The following LRTM3 variants were observed in gnomAD, a reference collection of about 807,000 sequenced individuals.
LRTM3 encodes leucine rich repeat transmembrane protein 3.
chr13:102,758,974 G>A, the LRTM3 span: 1 of 1,219,686 alleles, frequency 8.2e-7, no homozygotes, highest in Non-Finnish European at 1.1e-6. Flanking sequence ...TCATTCAGAA[G>A]TCCTTGATTT....
chr13:102,733,119 C>T, the LRTM3 span: 1 of 1,551,434 alleles, frequency 6.4e-7, no homozygotes, highest in Non-Finnish European at 8.7e-7. Flanking sequence ...TTCTGCTTTC[C>T]ACTTTGAAGG....
the LRTM3 span, chr13:102,745,031 C>A: frequency 3.2e-6 from 5 of 1,550,796 alleles, no homozygotes; most frequent in Non-Finnish European, 2.6e-6. Flanking sequence ...ACATATTGTG[C>A]CATTTTGGGT....
chr13:102,738,616 G>C, the LRTM3 span: 1 of 1,550,140 alleles, frequency 6.5e-7, no homozygotes, highest in Non-Finnish European at 8.7e-7. Flanking sequence ...TTTTTACACT[G>C]TTTGAGATAT....
At chr13:102,754,390 GTC>G in the LRTM3 span, among the ~76,000 whole-genome samples, 25 of 151,948 alleles carry the variant, frequency 1.6e-4, no homozygotes, top group Non-Finnish European at 3.7e-4. Context: ...GTCTGACCCT[GTC>G]TCACCCCCAC....
At chr13:102,740,330 A>G in the LRTM3 span, 1 of 1,550,264 alleles carries the variant, frequency 6.5e-7, no homozygotes, top group African/African-American at 1.4e-5. Flanking sequence ...AATCCATTCT[A>G]GTCTATTCTT....
chr13:102,737,138 G>C, the LRTM3 span: 1 of 1,550,910 alleles, frequency 6.4e-7, no homozygotes. Context: ...CTCAAAAATT[G>C]TGCCTTCAGG....
the LRTM3 span, chr13:102,732,201 C>A: frequency 6.4e-7 from 1 of 1,551,240 alleles, no homozygotes; most frequent in Admixed American, 2.0e-5. Flanking sequence ...ATTCTCTTTT[C>A]TCTTTCTAGG....
the LRTM3 span, chr13:102,747,882 A>C: frequency 2.6e-6 from 4 of 1,551,190 alleles, no homozygotes; most frequent in Non-Finnish European, 3.5e-6. Context: ...TCCATTTGGA[A>C]TTTGACATAC....
the LRTM3 span, chr13:102,735,272 T>C: frequency 1.3e-6 from 2 of 1,551,374 alleles, no homozygotes. Flanking sequence ...TCTATCCTTC[T>C]CTTCTTTCTG....
At chr13:102,733,475 A>C in the LRTM3 span, 1 of 1,551,352 alleles carries the variant, frequency 6.4e-7, no homozygotes, top group Non-Finnish European at 8.7e-7. Context: ...TGTGACATAC[A>C]GTTCCTTAGA....
At chr13:102,738,020 A>G in the LRTM3 span, 2 of 1,549,646 alleles carry the variant, frequency 1.3e-6, no homozygotes, top group Non-Finnish European at 1.7e-6. Context: ...TTCTCTATCA[A>G]CCTTTTCTTG....
chr13:102,735,870 A>G, the LRTM3 span: 1,536,562 of 1,539,108 alleles, frequency 1, 767,042 homozygotes, highest in East Asian at 1. Context: ...AATGAAGCAG[A>G]TTTCCTCGGA....
chr13:102,756,211 C>T, the LRTM3 span, among the ~76,000 whole-genome samples: 1 of 150,572 alleles, frequency 6.6e-6, no homozygotes, highest in African/African-American at 2.4e-5. Flanking sequence ...CTCAGCTTCC[C>T]AAAATGCTGG....
the LRTM3 span, among the ~76,000 whole-genome samples, chr13:102,755,931 G>GTATA: frequency 4.3e-5 from 5 of 115,506 alleles, no homozygotes; most frequent in African/African-American, 1.4e-4. Flanking sequence ...GTGTGTGTGT[G>GTATA]TATATATATA....
the LRTM3 span, chr13:102,736,279 C>T: frequency 1.3e-6 from 2 of 1,551,038 alleles, no homozygotes; most frequent in Non-Finnish European, 1.7e-6. Flanking sequence ...CTCTCTCTTT[C>T]ATGCCCCACT....
At chr13:102,744,480 T>A in the LRTM3 span, 1 of 1,550,782 alleles carries the variant, frequency 6.4e-7, no homozygotes, top group Non-Finnish European at 8.7e-7. Flanking sequence ...AGACCTTCCA[T>A]ACATTTTATT....
At chr13:102,742,472 GT>G in the LRTM3 span, 4 of 1,549,388 alleles carry the variant, frequency 2.6e-6, no homozygotes, top group Non-Finnish European at 3.5e-6. Flanking sequence ...CCAGTCTGCA[GT>G]TTTAAATTCT....
the LRTM3 span, chr13:102,729,791 CCTTTGCTGTGTGTACAA>C: frequency 5.2e-6 from 8 of 1,551,830 alleles, no homozygotes; most frequent in East Asian, 2.0e-4. Context: ...GTCACGTTTC[CCTTTGCTGTGTGTACAA>C]CTGTAATCGT....
chr13:102,748,634 G>A, the LRTM3 span: 2 of 1,550,338 alleles, frequency 1.3e-6, no homozygotes, highest in East Asian at 2.4e-5. Context: ...TTCTAAAGAT[G>A]TCTTGTGCTT....
Sources: gnomAD v4.1 joint callset for allele counts (sites outside exome capture counted in the v4.1 genomes callset) on GRCh38, gnomAD v4.1.1 for gene constraint, MANE v1.5 for transcripts, NCBI Gene and HGNC (gene_info 2026-07-23, HGNC 2026-07-21) for gene names.